NSMCE2: variants seen among roughly 807,000 people sequenced by gnomAD.
NSMCE2 encodes NSE2 SUMO ligase component of SMC5/6 complex, also known as E3 SUMO-protein ligase NSE2.
A neutral mutation model predicts 23.8 loss-of-function variants in NSMCE2; 24 were observed. That is an observed-to-expected ratio of 1.01 (90% CI 0.73 to 1.42). NSMCE2 has a LOEUF of 1.42. Among genes scored for constraint, NSMCE2 ranks in the 40% most tolerant of loss-of-function variants. NSMCE2 has a pLI of 0.00. For synonymous variants in NSMCE2, 92 were observed against 94.1 expected (o/e 0.98, Z 0.13); for missense variants, 284 against 296.5 (o/e 0.96, Z 0.31).
intron 4 of NSMCE2, among the ~76,000 whole-genome samples, chr8:125,181,381 A>G (rs967951209): frequency 1.3e-5 from 2 of 152,160 alleles, no homozygotes; most frequent in African/African-American, 4.8e-5. Context: ...AGGGTTGAGA[A>G]TGGATAGCGA....
intron 5 of NSMCE2, among the ~76,000 whole-genome samples, chr8:125,187,118 C>T (rs941672653): frequency 6.6e-6 from 1 of 152,160 alleles, no homozygotes; most frequent in Non-Finnish European, 1.5e-5. Context: ...AGAGCTAGTA[C>T]AGCATAATGG....
intron 4 of NSMCE2, among the ~76,000 whole-genome samples, chr8:125,170,654 C>T (rs1443847877): frequency 2.6e-5 from 4 of 152,122 alleles, no homozygotes; most frequent in Admixed American, 1.3e-4. Context: ...GTGATCCACC[C>T]GGCTTGGCCT....
chr8:125,356,996 T>C (rs911604074), intron 5 of NSMCE2, among the ~76,000 whole-genome samples: 1 of 152,098 alleles, frequency 6.6e-6, no homozygotes, highest in Non-Finnish European at 1.5e-5. Context: ...TTAAAAAAGA[T>C]TCTTTTTAAC....
chr8:125,335,722 C>T (rs765730512), intron 5 of NSMCE2, among the ~76,000 whole-genome samples: 1 of 152,114 alleles, frequency 6.6e-6, no homozygotes, highest in Non-Finnish European at 1.5e-5. Context: ...GACATGGTGA[C>T]GTGACCCAGT....
chr8:125,182,323 C>G, intron 5 of NSMCE2, 67 bp downstream of exon 5: 1 of 1,185,574 alleles, frequency 8.4e-7, no homozygotes, highest in Non-Finnish European at 1.2e-6. Context: ...TGAACAGCCC[C>G]AGTTAACTGA....
chr8:125,337,754 G>C (rs990355012), intron 5 of NSMCE2, among the ~76,000 whole-genome samples: 1 of 152,026 alleles, frequency 6.6e-6, no homozygotes, highest in African/African-American at 2.4e-5. Context: ...AATTAGCCGG[G>C]CGTGGTGGCA....
At chr8:125,346,499 G>A (rs1830440054) in intron 5 of NSMCE2, among the ~76,000 whole-genome samples, 1 of 152,164 alleles carries the variant, frequency 6.6e-6, no homozygotes, top group African/African-American at 2.4e-5. Flanking sequence ...ACTTTACTGA[G>A]GATGTAAATA....
intron 5 of NSMCE2, among the ~76,000 whole-genome samples, chr8:125,204,514 T>C (rs145983768): frequency 4.6e-5 from 7 of 152,220 alleles, no homozygotes; most frequent in African/African-American, 1.4e-4. Flanking sequence ...CTTTCCTTTA[T>C]ATGGAAGCAT....
chr8:125,177,759 C>A (rs779405262), intron 4 of NSMCE2, among the ~76,000 whole-genome samples: 4 of 152,204 alleles, frequency 2.6e-5, no homozygotes, highest in Non-Finnish European at 5.9e-5. Flanking sequence ...TGGAAATTTT[C>A]TCTTTCCTTT....
Position 125,262,655 on chromosome 8 carries a change from C to T in NSMCE2, c.418+80399C>T, listed in dbSNP as rs79153600. Among the ~76,000 whole-genome samples the T allele has an allele frequency of 1.4e-3, 208 of 152,296 alleles. 1 individual carries two copies. Among genetic ancestry groups the T allele is most frequent in the African/African-American group, 4.8e-3 (200 of 41,570 alleles). On this transcript the variant is annotated intron_variant, in intron 5 of 7. Transcript: ENST00000287437. ...TTGGAGCTCAATGCTTTTAGCTCCA[C>T]AATCTGGTGTCATGGTGTAAGCATT...
At chr8:125,290,378 G>A (rs942024515) in intron 5 of NSMCE2, among the ~76,000 whole-genome samples, 1 of 152,042 alleles carries the variant, frequency 6.6e-6, no homozygotes, top group Non-Finnish European at 1.5e-5. Flanking sequence ...ATGGGAAAAG[G>A]GACTAGGAAC....
intron 5 of NSMCE2, among the ~76,000 whole-genome samples, chr8:125,191,821 G>A (rs559175055): frequency 6.6e-6 from 1 of 152,112 alleles, no homozygotes; most frequent in South Asian, 2.1e-4. Flanking sequence ...ACATCCACAC[G>A]CAGGAAAGGA....
At chr8:125,334,443 C>G (rs1417389666) in intron 5 of NSMCE2, among the ~76,000 whole-genome samples, 1 of 152,114 alleles carries the variant, frequency 6.6e-6, no homozygotes, top group Non-Finnish European at 1.5e-5. Flanking sequence ...TTCAGAGAGC[C>G]TAGAAGGAGC....
intron 3 of NSMCE2, 126 bp from the exon 4 acceptor site, chr8:125,151,045 T>A (rs550956340): frequency 4.1e-5 from 19 of 458,942 alleles, no homozygotes; most frequent in Non-Finnish European, 5.8e-5. Context: ...GAGGTTTTTT[T>A]AAAAAGATGT....
chr8:125,296,602 G>T (rs1426138624), intron 5 of NSMCE2, among the ~76,000 whole-genome samples: 7 of 151,956 alleles, frequency 4.6e-5, no homozygotes, highest in Non-Finnish European at 1.0e-4. Context: ...TCACACGTTG[G>T]CCAGGCTGGT....
chr8:125,195,879 C>CTTTTTTTTT (rs34687223), intron 5 of NSMCE2, among the ~76,000 whole-genome samples: 21 of 83,656 alleles, frequency 2.5e-4, no homozygotes, highest in Non-Finnish European at 3.5e-4. Flanking sequence ...TCCTGAATAA[C>CTTTTTTTTT]TTTTTTTTTT....
At chr8:125,308,776 C>G in intron 5 of NSMCE2, among the ~76,000 whole-genome samples, 1 of 152,192 alleles carries the variant, frequency 6.6e-6, no homozygotes, top group East Asian at 1.9e-4. Flanking sequence ...CCTCCCATTC[C>G]GGTGAGTGTA....
intron 5 of NSMCE2, among the ~76,000 whole-genome samples, chr8:125,221,306 C>T (rs776540597): frequency 6.0e-4 from 91 of 152,174 alleles, no homozygotes; most frequent in Non-Finnish European, 5.0e-4. Context: ...AGTGCAGTGA[C>T]GCAATCATGG....
chr8:125,167,388 C>T lies in NSMCE2; in HGVS notation c.265-14715C>T, dbSNP rs1206058209. ...ATTAAAAGAATTGCAAAGTCAAGGC[C>T]CGGCATGGTGGTTTATGCCTGTAAT... On this transcript the variant is annotated intron_variant, in intron 4 of 7. Transcript: ENST00000287437. Among the ~76,000 whole-genome samples, 3 of 151,944 alleles carry T rather than the reference C, an allele frequency of 2.0e-5. No individual in the cohort carries two copies. The East Asian group carries it at 5.8e-4, about 29-fold the overall frequency.
Sources: gnomAD v4.1 joint callset for allele counts (sites outside exome capture counted in the v4.1 genomes callset) on GRCh38, gnomAD v4.1.1 for gene constraint, MANE v1.5 for transcripts, NCBI Gene and HGNC (gene_info 2026-07-23, HGNC 2026-07-21) for gene names.